The following SIAH3 variants were observed in gnomAD, a reference collection of about 807,000 sequenced individuals.
The protein encoded by SIAH3 is siah E3 ubiquitin protein ligase family member 3, also known as seven in absentia homolog 3.
SIAH3 carries 9 observed loss-of-function variants against 12.6 expected under a neutral mutation model. The observed-to-expected ratio is 0.72, with a 90% CI of 0.43 to 1.25. The LOEUF is 1.25. SIAH3 is among the 50% of genes most tolerant of loss of function. The pLI, the probability that SIAH3 is intolerant of heterozygous loss-of-function variation, is 0.00. For missense variants in SIAH3, 390 were observed against 365.4 expected (o/e 1.07, Z -0.55); for synonymous variants, 154 against 151.1 (o/e 1.02, Z -0.14).
At chr13:45,848,882 AT>A (rs1313992342) in intron 1 of SIAH3, among the ~76,000 whole-genome samples, 1 of 152,136 alleles carries the variant, frequency 6.6e-6, no homozygotes, top group Admixed American at 6.5e-5. Flanking sequence ...CACAGGTTTT[AT>A]TTTTTTCCTT....
chr13:45,836,363 A>T lies in SIAH3; in HGVS notation c.135+15132T>A, dbSNP rs140075936. ...AAACTGTAGTGCATATACGCCATGG[A>T]ATACTATGCAGCTGTAAAAAGGAAC... On this transcript the variant is annotated intron_variant, in intron 1 of 1. Transcript: ENST00000400405. Among the ~76,000 whole-genome samples the T allele has an allele frequency of 5.9e-5, 9 of 152,354 alleles. No homozygotes were observed. In the East Asian group the frequency reaches 1.3e-3, roughly 23 times the overall value.
intron 1 of SIAH3, among the ~76,000 whole-genome samples, chr13:45,789,660 A>G (rs895286744): frequency 2.0e-5 from 3 of 152,220 alleles, no homozygotes; most frequent in South Asian, 4.2e-4. Flanking sequence ...GCCTGCCTCA[A>G]CTTCACAAAG....
intron 1 of SIAH3, among the ~76,000 whole-genome samples, chr13:45,807,544 G>GA (rs1177438129): frequency 1.1e-4 from 16 of 150,042 alleles, no homozygotes; most frequent in East Asian, 3.9e-4. Context: ...TATTATTAGA[G>GA]AAAAAAAAAT....
intron 1 of SIAH3, among the ~76,000 whole-genome samples, chr13:45,839,682 A>C (rs1158782648): frequency 6.6e-6 from 1 of 151,930 alleles, no homozygotes; most frequent in Admixed American, 6.6e-5. Flanking sequence ...AATACAAAAA[A>C]TTAGCCGGGC....
intron 1 of SIAH3, among the ~76,000 whole-genome samples, chr13:45,805,001 CACACACACAA>C (rs1354839835): frequency 3.8e-4 from 54 of 141,232 alleles, no homozygotes; most frequent in Middle Eastern, 3.6e-3. Context: ...CACACACACA[CACACACACAA>C]AATACTTTGG....
chr13:45,821,603 A>C (rs902356405), intron 1 of SIAH3, among the ~76,000 whole-genome samples: 14 of 152,250 alleles, frequency 9.2e-5, no homozygotes, highest in Non-Finnish European at 1.9e-4. Flanking sequence ...CAAGGTGGAA[A>C]ATCACCGTAG....
rs1356773849 is a variant in SIAH3, at chr13:45,841,003, G to A, written c.135+10492C>T. Among the ~76,000 whole-genome samples the A allele has an allele frequency of 6.6e-5, 10 of 152,256 alleles. No individual in the cohort carries two copies. In the East Asian group the frequency reaches 1.3e-3, roughly 21 times the overall value. ...TGCATTAGCACTTAACATAGTTCCT[G>A]GATGTAGCATTTTGTGGTTGTTACT... is the stretch of plus-strand genomic sequence containing the variant. On this transcript the variant is annotated intron_variant, in intron 1 of 1. Transcript: ENST00000400405.
At chr13:45,839,921 A>G (rs1950734225) in intron 1 of SIAH3, among the ~76,000 whole-genome samples, 1 of 152,130 alleles carries the variant, frequency 6.6e-6, no homozygotes, top group Non-Finnish European at 1.5e-5. Context: ...CAGACAACCA[A>G]TTCTATGATC....
intron 1 of SIAH3, among the ~76,000 whole-genome samples, chr13:45,823,028 A>G (rs1950661845): frequency 6.6e-6 from 1 of 152,144 alleles, no homozygotes; most frequent in Non-Finnish European, 1.5e-5. Context: ...TTCTCCTTAG[A>G]TCTAACCCGT....
In SIAH3 at chr13:45,814,325, C is replaced by T. The variant is rs574481323; in HGVS notation, c.136-30268G>A. ...TTTTGGAGTATAGTCCCCAGGGAGC[C>T]GACAATTCAATGGGAGAAACTGGCA... On this transcript the variant is annotated intron_variant, in intron 1 of 1. Transcript: ENST00000400405. Among the ~76,000 whole-genome samples, 66 of 151,762 alleles carry T rather than the reference C, an allele frequency of 4.3e-4. No homozygotes were observed. In the South Asian group the frequency reaches 0.012, roughly 27 times the overall value.
At chr13:45,826,433 A>G (rs58973560) in intron 1 of SIAH3, among the ~76,000 whole-genome samples, 22,426 of 31,340 alleles carry the variant, frequency 0.72, 6,969 homozygotes, top group East Asian at 0.85. Context: ...GGATGGATGA[A>G]TGGATGCATG....
intron 1 of SIAH3, among the ~76,000 whole-genome samples, chr13:45,821,399 T>G (rs978248822): frequency 6.6e-6 from 1 of 152,220 alleles, no homozygotes; most frequent in African/African-American, 2.4e-5. Flanking sequence ...TCATGGTACT[T>G]TGTTGTGGCA....
rs937388716 is a variant in SIAH3 at position 45,825,924 on chromosome 13, G to A, written c.135+25571C>T. On this transcript the variant is annotated intron_variant, in intron 1 of 1. Coordinates refer to ENST00000400405, the MANE Select transcript of SIAH3 (RefSeq NM_198849.3). Reference sequence around the variant, plus strand: ...CCTGACCATGAAGACCAAAACCCAAGTCTCTCAGCATTCAAAGATCTCTGC... The same window carrying A: ...CCTGACCATGAAGACCAAAACCCAAATCTCTCAGCATTCAAAGATCTCTGC... Among the ~76,000 whole-genome samples, 54 of 152,174 alleles carry A rather than the reference G, an allele frequency of 3.5e-4. 1 individual carries two copies. Among genetic ancestry groups the A allele is most frequent in the Middle Eastern group, 6.8e-3 (2 of 294 alleles).
At chr13:45,832,685 G>A (rs928820162) in intron 1 of SIAH3, among the ~76,000 whole-genome samples, 1 of 152,136 alleles carries the variant, frequency 6.6e-6, no homozygotes, top group African/African-American at 2.4e-5. Context: ...TTGGGTATAT[G>A]CCCTGAAGTA....
chr13:45,789,713 T>C (rs1950540059), intron 1 of SIAH3, among the ~76,000 whole-genome samples: 1 of 152,114 alleles, frequency 6.6e-6, no homozygotes, highest in Non-Finnish European at 1.5e-5. Flanking sequence ...GGCCTAAACA[T>C]ATGTATTTTT....
At chr13:45,792,289 T>C (rs1035759371) in intron 1 of SIAH3, among the ~76,000 whole-genome samples, 5 of 151,894 alleles carry the variant, frequency 3.3e-5, no homozygotes, top group Non-Finnish European at 7.4e-5. Flanking sequence ...AGGATGAAGC[T>C]GGGTTAGGAA....
chr13:45,790,958 G>T (rs1258966870), intron 1 of SIAH3, among the ~76,000 whole-genome samples: 1 of 152,148 alleles, frequency 6.6e-6, no homozygotes, highest in African/African-American at 2.4e-5. Flanking sequence ...GAGATGGGCG[G>T]ATCACTTGAG....
chr13:45,845,623 T>C (rs924917452), intron 1 of SIAH3, among the ~76,000 whole-genome samples: 9 of 152,266 alleles, frequency 5.9e-5, no homozygotes, highest in South Asian at 2.1e-4. Flanking sequence ...TATGTTACTA[T>C]TGCCTCTTTT....
intron 1 of SIAH3, among the ~76,000 whole-genome samples, chr13:45,796,220 C>T (rs952751827): frequency 2.6e-5 from 4 of 151,592 alleles, no homozygotes; most frequent in Admixed American, 2.0e-4. Context: ...CTGTGTACTT[C>T]ACTGCATGCT....
Sources: gnomAD v4.1 joint callset for allele counts (sites outside exome capture counted in the v4.1 genomes callset) on GRCh38, gnomAD v4.1.1 for gene constraint, MANE v1.5 for transcripts, NCBI Gene and HGNC (gene_info 2026-07-23, HGNC 2026-07-21) for gene names.